SAMD12: variants seen among roughly 807,000 people sequenced by gnomAD.
The protein encoded by SAMD12 is sterile alpha motif domain containing 12.
In SAMD12, 9 loss-of-function variants were observed where a neutral mutation model predicts 15.0. The ratio of observed to expected loss-of-function variants is 0.60; its 90% CI spans 0.36 to 1.05. The LOEUF (loss-of-function observed/expected upper bound fraction) is 1.05, where lower values mean the gene tolerates loss of function less well. Among genes scored for constraint, SAMD12 ranks in the 50% least tolerant of loss-of-function variants. The pLI, the probability that SAMD12 is intolerant of heterozygous loss-of-function variation, is 0.01. For synonymous variants in SAMD12, 86 were observed against 90.1 expected, an observed-to-expected ratio of 0.96 and a Z score of 0.25; for missense variants, 230 against 234.2, an observed-to-expected ratio of 0.98 and a Z score of 0.12.
intron 2 of SAMD12, among the ~76,000 whole-genome samples, chr8:118,547,597 C>A (rs1202112138): frequency 6.6e-6 from 1 of 152,112 alleles, no homozygotes; most frequent in African/African-American, 2.4e-5. Context: ...GAGCAATGAT[C>A]TATCCACACT....
chr8:118,507,420 T>C lies in SAMD12; in HGVS notation c.193-67459A>G, dbSNP rs543631305. 5.3e-5 allele frequency among the ~76,000 whole-genome samples: 8 copies of C among 152,134 alleles called. No homozygotes were observed. The East Asian group carries it at 5.8e-4, about 11-fold the overall frequency. ...CGACAATATCTACCACAAAGCCCAA[T>C]TGAGGGTTTATGATGTACCGAGCCT... On this transcript the variant is annotated intron_variant, in intron 2 of 3. Coordinates refer to ENST00000314727, the MANE Select transcript of SAMD12 (RefSeq NM_207506.3).
chr8:118,305,052 G>C (rs1310333797), intron 4 of SAMD12, among the ~76,000 whole-genome samples: 1 of 147,538 alleles, frequency 6.8e-6, no homozygotes, highest in African/African-American at 2.5e-5. Context: ...GGGAGGCGGA[G>C]GCACAAAAAT....
At chr8:118,337,096 C>G (rs1170969502) in intron 4 of SAMD12, among the ~76,000 whole-genome samples, 8 of 151,270 alleles carry the variant, frequency 5.3e-5, no homozygotes, top group Admixed American at 5.3e-4. Flanking sequence ...ACCAACATGG[C>G]ACATGCATAC....
At chr8:118,461,818 G>A (rs904563288) in intron 2 of SAMD12, among the ~76,000 whole-genome samples, 18 of 152,140 alleles carry the variant, frequency 1.2e-4, no homozygotes, top group East Asian at 3.9e-4. Flanking sequence ...AATACCCATC[G>A]GGGAAACATG....
At chr8:118,289,166 C>G (rs1293716897) in intron 4 of SAMD12, among the ~76,000 whole-genome samples, 1 of 152,164 alleles carries the variant, frequency 6.6e-6, no homozygotes, top group African/African-American at 2.4e-5. Flanking sequence ...TCAGCAGTTT[C>G]ATTTGGTGGA....
intron 4 of SAMD12, among the ~76,000 whole-genome samples, chr8:118,283,308 T>C (rs1399844686): frequency 6.6e-6 from 1 of 152,212 alleles, no homozygotes; most frequent in Non-Finnish European, 1.5e-5. Flanking sequence ...CATCAATCAA[T>C]GAATATGATC....
At chr8:118,606,412 GT>G (rs1470429609) in intron 1 of SAMD12, among the ~76,000 whole-genome samples, 1 of 152,102 alleles carries the variant, frequency 6.6e-6, no homozygotes, top group Admixed American at 6.5e-5. Context: ...AAGAGCACCT[GT>G]TCCAGCTGCC....
At chr8:118,523,883 C>T (rs1407533527) in intron 2 of SAMD12, among the ~76,000 whole-genome samples, 1 of 152,128 alleles carries the variant, frequency 6.6e-6, no homozygotes, top group African/African-American at 2.4e-5. Context: ...ACTCACCTGT[C>T]TTGTCCCTGA....
At chr8:118,499,565 A>G (rs1586766156) in intron 2 of SAMD12, among the ~76,000 whole-genome samples, 1 of 152,212 alleles carries the variant, frequency 6.6e-6, no homozygotes, top group East Asian at 1.9e-4. Context: ...TGAAGCAGAT[A>G]TTATTCAATA....
At chr8:118,517,876 A>C (rs1825286210) in intron 2 of SAMD12, among the ~76,000 whole-genome samples, 1 of 152,174 alleles carries the variant, frequency 6.6e-6, no homozygotes, top group Admixed American at 6.5e-5. Flanking sequence ...GTGCTGATTC[A>C]CACATGTAAC....
chr8:118,502,574 T>G (rs2131044082), intron 2 of SAMD12, among the ~76,000 whole-genome samples: 1 of 152,336 alleles, frequency 6.6e-6, no homozygotes, highest in South Asian at 2.1e-4. Flanking sequence ...ACTAATAGTC[T>G]CCAGTGGATA....
the SAMD12 span, among the ~76,000 whole-genome samples, chr8:118,150,126 G>A: frequency 5.9e-5 from 9 of 152,122 alleles, no homozygotes; most frequent in South Asian, 2.1e-4. Flanking sequence ...GCTACTAAAC[G>A]TCCTTCTGTA....
chr8:118,154,319 T>C, the SAMD12 span, among the ~76,000 whole-genome samples: 1 of 152,184 alleles, frequency 6.6e-6, no homozygotes, highest in South Asian at 2.1e-4. Flanking sequence ...CCCACTTCAA[T>C]AGATTCTTGT....
intron 2 of SAMD12, among the ~76,000 whole-genome samples, chr8:118,528,492 C>G (rs1269350763): frequency 1.3e-5 from 2 of 152,188 alleles, no homozygotes; most frequent in African/African-American, 2.4e-5. Flanking sequence ...TAATCATGTT[C>G]TAATATCTTC....
At chr8:118,206,980 G>A (rs773753625) in intron 4 of SAMD12, among the ~76,000 whole-genome samples, 1 of 152,186 alleles carries the variant, frequency 6.6e-6, no homozygotes, top group Non-Finnish European at 1.5e-5. Context: ...ATGAGTGAGT[G>A]AATCAATGAA....
At chr8:118,343,331 C>T (rs1225727633) in intron 4 of SAMD12, among the ~76,000 whole-genome samples, 1 of 151,662 alleles carries the variant, frequency 6.6e-6, no homozygotes, top group Non-Finnish European at 1.5e-5. Context: ...GAGAGAAAAT[C>T]TGGTGGAAAA....
chr8:118,560,522 G>C (rs949000258), intron 2 of SAMD12, among the ~76,000 whole-genome samples: 4 of 152,214 alleles, frequency 2.6e-5, no homozygotes, highest in Non-Finnish European at 5.9e-5. Context: ...AATGAAGCAG[G>C]AGCTAGGCTT....
chr8:118,435,306 C>A (rs980001176), intron 3 of SAMD12, among the ~76,000 whole-genome samples: 3 of 152,138 alleles, frequency 2.0e-5, no homozygotes, highest in South Asian at 2.1e-4. Context: ...TATTATTAAT[C>A]GTTCTATTTT....
intron 4 of SAMD12, among the ~76,000 whole-genome samples, chr8:118,319,735 T>C (rs1033263413): frequency 4.6e-5 from 7 of 152,108 alleles, no homozygotes; most frequent in African/African-American, 1.7e-4. Context: ...CAACTGAGGG[T>C]AATCCTGAGT....
Sources: gnomAD v4.1 joint callset for allele counts (sites outside exome capture counted in the v4.1 genomes callset) on GRCh38, gnomAD v4.1.1 for gene constraint, MANE v1.5 for transcripts, NCBI Gene and HGNC (gene_info 2026-07-23, HGNC 2026-07-21) for gene names.